The following PKP4 variants were observed in gnomAD, a reference collection of about 807,000 sequenced individuals.
The protein encoded by PKP4 is plakophilin-4.
In PKP4, 90 loss-of-function variants were observed where a neutral mutation model predicts 145.1. The ratio of observed to expected loss-of-function variants is 0.62; its 90% CI spans 0.52 to 0.74. PKP4 has a LOEUF of 0.74. Among genes scored for constraint, PKP4 ranks in the 30% least tolerant of loss-of-function variants. The pLI is 0.00. For synonymous variants in PKP4, 563 were observed against 577.2 expected, an observed-to-expected ratio of 0.98 and a Z score of 0.35; for missense variants, 1,340 against 1,482.7, an observed-to-expected ratio of 0.90 and a Z score of 1.58.
intron 2 of PKP4, among the ~76,000 whole-genome samples, chr2:158,553,918 T>C (rs1041755104): frequency 6.6e-6 from 1 of 152,198 alleles, no homozygotes; most frequent in Non-Finnish European, 1.5e-5. Flanking sequence ...GAAATTTATG[T>C]GAGATTTGAC....
At chr2:158,555,983 T>C (rs989654094) in intron 2 of PKP4, among the ~76,000 whole-genome samples, 7 of 152,252 alleles carry the variant, frequency 4.6e-5, no homozygotes, top group African/African-American at 1.7e-4. Context: ...GATCAAATTC[T>C]AAGGACAGGG....
intron 1 of PKP4, among the ~76,000 whole-genome samples, chr2:158,504,090 T>C (rs1696978846): frequency 6.6e-6 from 1 of 152,078 alleles, no homozygotes. Context: ...TTCTTGTTGT[T>C]CTCATAATAT....
chr2:158,602,928 A>T, intron 3 of PKP4, 142 bp from the exon 4 acceptor site: 1 of 476,118 alleles, frequency 2.1e-6, no homozygotes, highest in East Asian at 3.9e-5. Context: ...ATTAACTTAG[A>T]TAAGTTTAAA....
Position 158,580,923 on chromosome 2 carries a change from A to AGGTAGT in PKP4, c.245+3541_245+3546dup, listed in dbSNP as rs2048278640. Among the ~76,000 whole-genome samples, 6 of 152,302 alleles carry AGGTAGT rather than the reference A, an allele frequency of 3.9e-5. No individual in the cohort carries two copies. In the South Asian group the frequency reaches 1.2e-3, roughly 32 times the overall value. ...TCCCTGTGCATGTTAGCTGCTCAAC[A>AGGTAGT]GGTAGTAAGGCTCATTCCACCCCCA... On this transcript the variant is annotated intron_variant, in intron 3 of 21. Coordinates refer to ENST00000389759, the MANE Select transcript of PKP4 (RefSeq NM_003628.6).
At chr2:158,544,591 A>G (rs1261771811) in intron 2 of PKP4, among the ~76,000 whole-genome samples, 2 of 152,148 alleles carry the variant, frequency 1.3e-5, no homozygotes, top group Non-Finnish European at 2.9e-5. Context: ...AGGCTGCACA[A>G]AAAAGACAGC....
At chr2:158,566,551 G>A (rs2047006371) in intron 2 of PKP4, among the ~76,000 whole-genome samples, 1 of 151,844 alleles carries the variant, frequency 6.6e-6, no homozygotes, top group South Asian at 2.1e-4. Context: ...AAGGTTTAAA[G>A]TAATAGCTAA....
intron 1 of PKP4, among the ~76,000 whole-genome samples, chr2:158,460,296 T>C (rs1689570907): frequency 6.6e-6 from 1 of 152,230 alleles, no homozygotes; most frequent in African/African-American, 2.4e-5. Flanking sequence ...AAGAAACTAC[T>C]ACCAAATTCA....
intron 9 of PKP4, among the ~76,000 whole-genome samples, chr2:158,637,970 C>T (rs1042495364): frequency 2.6e-5 from 4 of 152,218 alleles, no homozygotes; most frequent in East Asian, 1.9e-4. Context: ...AGCCCACCCT[C>T]GGGGCTGTCT....
chr2:158,484,396 C>A (rs1221879466), intron 1 of PKP4, among the ~76,000 whole-genome samples: 1 of 152,168 alleles, frequency 6.6e-6, no homozygotes, highest in Admixed American at 6.5e-5. Context: ...AGCGTCATTT[C>A]CACTTGTCCT....
At chr2:158,614,263 T>C (rs993575106) in intron 4 of PKP4, among the ~76,000 whole-genome samples, 3 of 152,232 alleles carry the variant, frequency 2.0e-5, no homozygotes, top group Non-Finnish European at 4.4e-5. Context: ...GTAGAACTTT[T>C]ATATATGTTT....
chr2:158,680,464 CAGAA>C lies in PKP4; in HGVS notation c.3371_3374del (p.Lys1124ThrfsTer38), dbSNP rs757852840. 2 of 1,612,472 alleles carry C rather than the reference CAGAA, an allele frequency of 1.2e-6. No homozygotes were observed. Among genetic ancestry groups the C allele is most frequent in the African/African-American group, 2.7e-5 (2 of 74,888 alleles). On this transcript the variant is annotated frameshift_variant, in exon 22 of 22. Coordinates refer to ENST00000389759, the MANE Select transcript of PKP4 (RefSeq NM_003628.6). LOFTEE classifies it high-confidence loss of function. The stretch of plus-strand genomic sequence containing the variant: ...TGTATTATAGTCAAGATGACTCCAA[CAGAA>C]AGAACTTTGATGCATACAGATTGTA...
intron 3 of PKP4, among the ~76,000 whole-genome samples, chr2:158,590,625 C>G (rs1403364174): frequency 2.0e-5 from 3 of 151,920 alleles, no homozygotes; most frequent in Non-Finnish European, 4.4e-5. Flanking sequence ...TAGCAAATGT[C>G]TTTCAGTAAA....
At chr2:158,629,074 G>A (rs2053100101) in intron 7 of PKP4, among the ~76,000 whole-genome samples, 1 of 152,196 alleles carries the variant, frequency 6.6e-6, no homozygotes, top group Admixed American at 6.5e-5. Context: ...TAAAGAAATA[G>A]AGCTTAGACT....
chr2:158,536,029 G>A (rs12373703), intron 2 of PKP4, among the ~76,000 whole-genome samples: 2 of 152,200 alleles, frequency 1.3e-5, no homozygotes, highest in South Asian at 4.1e-4. Flanking sequence ...CTGGCACTTA[G>A]TAAGGGCTAA....
At chr2:158,587,193 A>C (rs904874838) in intron 3 of PKP4, among the ~76,000 whole-genome samples, 2 of 152,180 alleles carry the variant, frequency 1.3e-5, no homozygotes, top group Admixed American at 6.5e-5. Context: ...ATGTGGTTAA[A>C]ATGGAGGCAC....
chr2:158,543,903 G>C (rs2044734891), intron 2 of PKP4, among the ~76,000 whole-genome samples: 1 of 152,122 alleles, frequency 6.6e-6, no homozygotes, highest in Admixed American at 6.6e-5. Context: ...CACTTACTAT[G>C]GGTATCACTG....
At chr2:158,513,672 C>A (rs1026312174) in intron 1 of PKP4, among the ~76,000 whole-genome samples, 39 of 152,306 alleles carry the variant, frequency 2.6e-4, no homozygotes, top group African/African-American at 8.9e-4. Context: ...GTCACATTAC[C>A]ACCTTCACTG....
At chr2:158,509,737 C>T (rs375028089) in intron 1 of PKP4, among the ~76,000 whole-genome samples, 3 of 152,080 alleles carry the variant, frequency 2.0e-5, no homozygotes, top group Non-Finnish European at 2.9e-5. Context: ...CACCTGAGGT[C>T]GGGAGTTTGA....
At chr2:158,487,094 G>A (rs1275816041) in intron 1 of PKP4, among the ~76,000 whole-genome samples, 3 of 152,092 alleles carry the variant, frequency 2.0e-5, no homozygotes, top group African/African-American at 7.2e-5. Flanking sequence ...AACTGGGGTG[G>A]GACAGAGAAG....
Sources: gnomAD v4.1 joint callset for allele counts (sites outside exome capture counted in the v4.1 genomes callset) on GRCh38, gnomAD v4.1.1 for gene constraint, MANE v1.5 for transcripts, NCBI Gene and HGNC (gene_info 2026-07-23, HGNC 2026-07-21) for gene names.